The following ITGAE variants were observed in gnomAD, a reference collection of about 807,000 sequenced individuals.
ITGAE encodes integrin subunit alpha E.
A neutral mutation model predicts 136.5 loss-of-function variants in ITGAE; 99 were observed. The observed-to-expected ratio is 0.73, with a 90% CI of 0.62 to 0.86. ITGAE has a LOEUF of 0.86. ITGAE is among the 40% of genes least tolerant of loss of function. The pLI is 0.00. For synonymous variants in ITGAE, 613 were observed against 591.8 expected (o/e 1.04, Z -0.52); for missense variants, 1,447 against 1,515.3 (o/e 0.95, Z 0.75).
At chr17:3,741,068 G>GTT (rs1447955211) in intron 19 of ITGAE, among the ~76,000 whole-genome samples, 24 of 110,500 alleles carry the variant, frequency 2.2e-4, no homozygotes, top group African/African-American at 7.4e-4. Context: ...GTTTTTTGTT[G>GTT]TATTTTTTTT....
rs2052126752 is a variant in ITGAE, at chr17:3,760,044, A to G, written c.714+128T>C. ...TAACTCCAGGCAAGATGGACAGAAGAATCATCCAGCTGAGCCCAGCCCAAG... is the reference window on the plus strand; with the variant it reads ...TAACTCCAGGCAAGATGGACAGAAGGATCATCCAGCTGAGCCCAGCCCAAG... On this transcript the variant is annotated intron_variant, in intron 7 of 30. Transcript: ENST00000263087. 6.2e-6 allele frequency: 4 copies of G among 650,358 alleles called. No homozygotes were observed. In the East Asian group the frequency reaches 1.1e-4, roughly 18 times the overall value. The allele number at this position is 650,358 out of a possible 1,614,324, so 40.3% of individuals were successfully genotyped here.
rs770811260 is a variant in ITGAE at position 3,729,515 on chromosome 17, G to A, written c.2875C>T (p.Leu959Phe). The change falls in exon 24 of 31, where the codon CTT (leucine) becomes TTT (phenylalanine). Residue 959 changes from leucine (L) to phenylalanine (F), a missense_variant. Physicochemically the swap from Leu to Phe is conservative, Grantham distance 22. Transcript: ENST00000263087. ...RRSLANETHT[L>F]QFRHGFVAVL... Reference sequence around the variant, plus strand: ...GCAACGAAGCCATGCCTGAATTGAAGGGTGTGGGTCTCGTTGGCCAAAGAC... The same window carrying A: ...GCAACGAAGCCATGCCTGAATTGAAAGGTGTGGGTCTCGTTGGCCAAAGAC... 1.9e-6 allele frequency: 3 copies of A among 1,612,062 alleles called. No homozygotes were observed. Among genetic ancestry groups the A allele is most frequent in the South Asian group, 1.1e-5 (1 of 91,038 alleles).
chr17:3,780,031 T>C (rs555748411), intron 1 of ITGAE, among the ~76,000 whole-genome samples: 2 of 152,256 alleles, frequency 1.3e-5, no homozygotes, highest in East Asian at 3.9e-4. Context: ...TGGAGTGCAG[T>C]GGCACGATCT....
intron 9 of ITGAE, among the ~76,000 whole-genome samples, 157 bp downstream of exon 9, chr17:3,757,549 T>C (rs1405640110): frequency 2.0e-5 from 3 of 152,102 alleles, no homozygotes; most frequent in African/African-American, 7.2e-5. Context: ...AAATGAGCCC[T>C]CTCTGGGATG....
intron 1 of ITGAE, among the ~76,000 whole-genome samples, chr17:3,800,569 C>T (rs933784737): frequency 3.3e-5 from 5 of 152,114 alleles, no homozygotes; most frequent in African/African-American, 9.7e-5. Context: ...AAGTGCCTCC[C>T]CCCACCCCAC....
At chr17:3,753,096 C>T (rs2051910801) in intron 14 of ITGAE, among the ~76,000 whole-genome samples, 194 bp downstream of exon 14, 1 of 152,192 alleles carries the variant, frequency 6.6e-6, no homozygotes, top group African/African-American at 2.4e-5. Context: ...TTATCATCAA[C>T]GATCACCCTT....
At chr17:3,720,453 A>T (rs1200881829) in intron 28 of ITGAE, 51 bp from the exon 29 acceptor site, 4 of 856,626 alleles carry the variant, frequency 4.7e-6, no homozygotes, top group Non-Finnish European at 6.0e-6. Flanking sequence ...TTAGACATGA[A>T]CTCACTGTGT....
intron 19 of ITGAE, among the ~76,000 whole-genome samples, chr17:3,741,070 ATTT>A (rs58434003): frequency 4.0e-3 from 310 of 76,778 alleles, no homozygotes; most frequent in African/African-American, 0.011. Flanking sequence ...TTTTTGTTGT[ATTT>A]TTTTTTTTTT....
At chr17:3,756,259 T>C (rs1455968816) in intron 10 of ITGAE, among the ~76,000 whole-genome samples, 6 of 125,696 alleles carry the variant, frequency 4.8e-5, no homozygotes. Context: ...TTTGAGACAG[T>C]GTCTCACTCT....
intron 21 of ITGAE, among the ~76,000 whole-genome samples, chr17:3,733,474 T>G (rs749847062): frequency 2.6e-5 from 4 of 152,174 alleles, no homozygotes; most frequent in Admixed American, 2.0e-4. Flanking sequence ...CAGGCTGGAG[T>G]GCAGTGGCGC....
At position 3,799,787 on chromosome 17, in the gene ITGAE, A is replaced by T. The variant is rs1597381446; in HGVS notation, c.34+1324T>A. Among the ~76,000 whole-genome samples the T allele has an allele frequency of 6.6e-6, 1 of 152,238 alleles. No homozygotes were observed. The highest frequency in any genetic ancestry group is 2.4e-5 in the African/African-American group (1 of 41,464). ...ATTGTAAAATAAAAGGAAGTTCAAC[A>T]AACTGTTGACCTTTCCATGGTGACT... On this transcript the variant is annotated intron_variant, in intron 1 of 30. Transcript: ENST00000263087. This position sits in a 1 kb window ranked among gnomAD's most constrained non-coding sequence, Gnocchi z 4.1.
chr17:3,723,541 T>A, intron 27 of ITGAE, 147 bp downstream of exon 27: 1 of 1,033,560 alleles, frequency 9.7e-7, no homozygotes, highest in East Asian at 2.6e-5. Flanking sequence ...GCGGGAGCAA[T>A]TGAGACCCAG....
intron 1 of ITGAE, among the ~76,000 whole-genome samples, chr17:3,787,066 A>C (rs765429556): frequency 6.6e-6 from 1 of 151,978 alleles, no homozygotes; most frequent in Non-Finnish European, 1.5e-5. Flanking sequence ...ATCCAAGACT[A>C]ATTTCTGATA....
At chr17:3,723,840 A>T in intron 26 of ITGAE, 96 bp from the exon 27 acceptor site, 1 of 1,535,954 alleles carries the variant, frequency 6.5e-7, no homozygotes, top group Non-Finnish European at 8.8e-7. Flanking sequence ...GCGCATGCGC[A>T]GGGCCGGGAG....
chr17:3,731,562 G>A (rs569737431), intron 22 of ITGAE, among the ~76,000 whole-genome samples: 3 of 151,234 alleles, frequency 2.0e-5, no homozygotes, highest in South Asian at 2.1e-4. Context: ...GGCTGGTCTC[G>A]AACTCCTGAC....
At chr17:3,716,157 C>G (rs1166121742) in intron 30 of ITGAE, among the ~76,000 whole-genome samples, 1 of 141,512 alleles carries the variant, frequency 7.1e-6, no homozygotes, top group Admixed American at 7.0e-5. Flanking sequence ...GGCGAAAGAG[C>G]GGAACTCCGT....
At chr17:3,731,308 C>A (rs2051336619) in intron 22 of ITGAE, 125 bp from the exon 23 acceptor site, 2 of 653,040 alleles carry the variant, frequency 3.1e-6, no homozygotes, top group South Asian at 1.8e-5. Flanking sequence ...TCACATTTTT[C>A]TAACACAGCA....
Position 3,751,744 on chromosome 17 carries a change from G to A in ITGAE, c.1799C>T (p.Pro600Leu), listed in dbSNP as rs1214446714. Residue 600 changes from proline to leucine, a missense_variant, in exon 15 of 31, where the codon CCC becomes CTC. Around this residue, in one of 3 missense-constraint regions of ITGAE, gnomAD observed 1,031 missense variants for 1,011.4 expected, o/e 1.02. Coordinates refer to ENST00000263087, the MANE Select transcript of ITGAE (RefSeq NM_002208.5). Reference protein sequence around the residue: ...DKLTDVAIGAPLEGFGADDGA... With the variant: ...DKLTDVAIGALLEGFGADDGA... ...ATCATCTGCCCCAAAACCTTCCAGG[G>A]GGGCCCCGATGGCCACATCTGTGAG... 1 of 1,614,034 alleles carries A rather than the reference G, an allele frequency of 6.2e-7. No individual in the cohort carries two copies. Among genetic ancestry groups the A allele is most frequent in the Non-Finnish European group, 8.5e-7 (1 of 1,179,986 alleles).
rs1405033854 is a variant in ITGAE at position 3,748,169 on chromosome 17, T to TCC, written c.2025-119_2025-118dup. 5 of 1,024,948 alleles carry TCC rather than the reference T, an allele frequency of 4.9e-6. No individual in the cohort carries two copies. The East Asian group carries it at 1.4e-4, about 28-fold the overall frequency. 63.5% of individuals were successfully genotyped at this position (1,024,948 alleles called of 1,614,324 possible). ...ATCAAACATGCCCACATCCAGGTGA[T>TCC]CCCTGAGTCTCAGGGTACAGTGGGG... is the stretch of plus-strand genomic sequence containing the variant. On this transcript the variant is annotated intron_variant, in intron 16 of 30. Transcript: ENST00000263087.
Sources: gnomAD v4.1 joint callset for allele counts (sites outside exome capture counted in the v4.1 genomes callset) on GRCh38, gnomAD v4.1.1 for gene constraint, gnomAD v4.1.1 regional missense constraint, Gnocchi (gnomAD v3.1) non-coding constraint, MANE v1.5 for transcripts, NCBI Gene and HGNC (gene_info 2026-07-23, HGNC 2026-07-21) for gene names.